Variants in N4BP1 observed in about 807,000 individuals in gnomAD.
N4BP1 encodes the protein NEDD4-binding protein 1.
Under a neutral mutation model 70.9 loss-of-function variants are expected in N4BP1, and 21 were observed. The observed-to-expected ratio is 0.30, with a 90% CI of 0.21 to 0.43. N4BP1 has a LOEUF of 0.43. Among genes scored for constraint, N4BP1 ranks in the 20% least tolerant of loss-of-function variants. The pLI, the probability that N4BP1 is intolerant of heterozygous loss-of-function variation, is 1.00. For missense variants in N4BP1, 936 were observed against 1,069.4 expected (o/e 0.88, Z 1.74); for synonymous variants, 387 against 394.6 (o/e 0.98, Z 0.23).
chr16:48,558,837 A>C (rs1482358901), intron 2 of N4BP1, among the ~76,000 whole-genome samples: 24 of 152,226 alleles, frequency 1.6e-4, no homozygotes, highest in Admixed American at 1.6e-3. Flanking sequence ...CTGCCAAAAA[A>C]ACCAAAGTGA....
chr16:48,589,305 A>T (rs1012805230), intron 1 of N4BP1, among the ~76,000 whole-genome samples: 7 of 152,154 alleles, frequency 4.6e-5, no homozygotes, highest in African/African-American at 1.7e-4. Flanking sequence ...CCAAAGTAGG[A>T]TGACAGGGTC....
At chr16:48,584,713 C>T (rs992872415) in intron 1 of N4BP1, among the ~76,000 whole-genome samples, 3 of 151,828 alleles carry the variant, frequency 2.0e-5, no homozygotes, top group Non-Finnish European at 2.9e-5. Context: ...AGTTCTGAGT[C>T]CAGCTAATAA....
At chr16:48,592,882 G>A (rs1964357768) in intron 1 of N4BP1, among the ~76,000 whole-genome samples, 1 of 151,702 alleles carries the variant, frequency 6.6e-6, no homozygotes, top group African/African-American at 2.4e-5. Flanking sequence ...CCCCCATAAA[G>A]AAAATATTTT....
At position 48,562,253 on chromosome 16, in the gene N4BP1, A is replaced by C. The variant is rs771082306; in HGVS notation, c.390T>G (p.Ala130=). 1.2e-6 allele frequency: 2 copies of C among 1,613,946 alleles called. No homozygotes were observed. Among genetic ancestry groups the C allele is most frequent in the East Asian group, 4.5e-5 (2 of 44,874 alleles). The stretch of plus-strand genomic sequence containing the variant: ...TTACAAATTGTTGAATGTGACTCCT[A>C]GCCATGACCACAGCCTCAGCACTTC... The part of the protein sequence containing the change: ...IRGSAEAVVM[A]RSHIQQFVKL... The change falls in exon 2 of 7, where the codon GCT becomes GCG. Residue 130 remains alanine, a synonymous_variant. Transcript: ENST00000262384.
At chr16:48,573,335 T>C (rs1964049871) in intron 1 of N4BP1, among the ~76,000 whole-genome samples, 1 of 152,072 alleles carries the variant, frequency 6.6e-6, no homozygotes, top group Non-Finnish European at 1.5e-5. Context: ...CTCACACCTA[T>C]AAAACCAGCA....
At chr16:48,579,080 A>C (rs1964140347) in intron 1 of N4BP1, among the ~76,000 whole-genome samples, 2 of 152,134 alleles carry the variant, frequency 1.3e-5, no homozygotes, top group Admixed American at 1.3e-4. Context: ...TGGCAACTAG[A>C]GGGTAGAGGC....
At chr16:48,582,402 C>A (rs1281189557) in intron 1 of N4BP1, among the ~76,000 whole-genome samples, 1 of 152,104 alleles carries the variant, frequency 6.6e-6, no homozygotes, top group Non-Finnish European at 1.5e-5. Flanking sequence ...ACAGTAGCTG[C>A]CTTGGTTATC....
intron 1 of N4BP1, 85 bp downstream of exon 1, chr16:48,609,690 G>C (rs1211362852): frequency 8.7e-7 from 1 of 1,152,992 alleles, no homozygotes; most frequent in Non-Finnish European, 1.1e-6. Flanking sequence ...GCATCGCGGC[G>C]GACGGCGGGG....
intron 1 of N4BP1, among the ~76,000 whole-genome samples, chr16:48,569,615 C>A (rs1963987841): frequency 6.6e-6 from 1 of 152,152 alleles, no homozygotes; most frequent in Non-Finnish European, 1.5e-5. Context: ...TGGCCTTGAA[C>A]TCACCGCTGG....
At chr16:48,605,039 T>C (rs1964558046) in intron 1 of N4BP1, among the ~76,000 whole-genome samples, 1 of 151,982 alleles carries the variant, frequency 6.6e-6, no homozygotes, top group Non-Finnish European at 1.5e-5. Flanking sequence ...GGTTCTTTTT[T>C]TTTTTTTCTC....
chr16:48,547,392 C>G (rs993751256), intron 5 of N4BP1, among the ~76,000 whole-genome samples: 4 of 152,174 alleles, frequency 2.6e-5, no homozygotes, highest in Admixed American at 2.6e-4. Flanking sequence ...CATTTTTCAG[C>G]AGTGGACACA....
chr16:48,566,037 T>C (rs914378584), intron 1 of N4BP1, among the ~76,000 whole-genome samples: 3 of 152,192 alleles, frequency 2.0e-5, no homozygotes, highest in African/African-American at 7.2e-5. Context: ...TTGTTGATTT[T>C]ATTGATCTTT....
chr16:48,542,404 A>G lies in N4BP1; in HGVS notation c.*500T>C, dbSNP rs1165595469. ...CTGCAGAACAAACCAACTCTTACCC[A>G]CTTTAACTCCGGGGGTGAGGGCAGA... On this transcript the variant is annotated 3_prime_UTR_variant, in exon 7 of 7. Coordinates refer to ENST00000262384, the MANE Select transcript of N4BP1 (RefSeq NM_153029.4). 6.5e-6 allele frequency: 1 copy of G among 152,672 alleles called. No individual in the cohort carries two copies. Among genetic ancestry groups the G allele is most frequent in the Non-Finnish European group, 1.5e-5 (1 of 68,132 alleles). The allele number at this position is 152,672 out of a possible 1,614,324, so 9.5% of individuals were successfully genotyped here. A position where few individuals can be genotyped will look rare whatever the true frequency, so the allele number is the denominator to read the frequency against.
At chr16:48,580,255 C>A (rs992458677) in intron 1 of N4BP1, among the ~76,000 whole-genome samples, 5 of 152,000 alleles carry the variant, frequency 3.3e-5, no homozygotes, top group Admixed American at 3.3e-4. Context: ...GTAGATATGA[C>A]AACTGATACT....
At position 48,562,076 on chromosome 16, in the gene N4BP1, G is replaced by A; in HGVS notation, c.567C>T (p.Leu189=). ...CAAAGAGATTCTCCTCACCTTGTGT[G>A]AGTGTCAAAAGTTCTTTTTTCAAGG... The part of the protein sequence containing the change: ...PTSLKKELLT[L]TQGEENLFET... Residue 189 remains leucine (L), a synonymous_variant, in exon 2 of 7, where the codon CTC becomes CTT. Coordinates refer to ENST00000262384, the MANE Select transcript of N4BP1 (RefSeq NM_153029.4). 6.2e-7 allele frequency: 1 copy of A among 1,613,796 alleles called. No individual in the cohort carries two copies. The highest frequency in any genetic ancestry group is 1.1e-5 in the South Asian group (1 of 91,070).
At chr16:48,556,995 A>G (rs1035303890) in intron 2 of N4BP1, among the ~76,000 whole-genome samples, 5 of 152,122 alleles carry the variant, frequency 3.3e-5, no homozygotes, top group Admixed American at 6.5e-5. Flanking sequence ...CATACACCAC[A>G]AACAATTTCC....
intron 1 of N4BP1, among the ~76,000 whole-genome samples, chr16:48,594,158 A>C (rs1245445715): frequency 6.6e-6 from 1 of 152,230 alleles, no homozygotes; most frequent in Non-Finnish European, 1.5e-5. Flanking sequence ...AGTAAACTAC[A>C]AAAAAGGTGG....
At chr16:48,562,985 T>A (rs949384345) in intron 1 of N4BP1, among the ~76,000 whole-genome samples, 5 of 56,124 alleles carry the variant, frequency 8.9e-5, no homozygotes, top group African/African-American at 5.1e-4. Flanking sequence ...TAATAAAAAA[T>A]TTTTTTCCAG....
chr16:48,571,661 G>A (rs1964022788), intron 1 of N4BP1, among the ~76,000 whole-genome samples: 2 of 152,034 alleles, frequency 1.3e-5, no homozygotes, highest in African/African-American at 4.8e-5. Flanking sequence ...AGAGGAAAAG[G>A]AAAGAAATCA....
Sources: gnomAD v4.1 joint callset for allele counts (sites outside exome capture counted in the v4.1 genomes callset) on GRCh38, gnomAD v4.1.1 for gene constraint, MANE v1.5 for transcripts, NCBI Gene and HGNC (gene_info 2026-07-23, HGNC 2026-07-21) for gene names.